The following FUT9 variants were observed in gnomAD, a reference collection of about 807,000 sequenced individuals.
FUT9 encodes fucosyltransferase 9, also known as 4-galactosyl-N-acetylglucosaminide 3-alpha-L-fucosyltransferase 9.
Under a neutral mutation model 29.7 loss-of-function variants are expected in FUT9, and 15 were observed. The observed-to-expected ratio is 0.51, with a 90% CI of 0.34 to 0.78. The LOEUF is 0.78. Ranked by LOEUF, FUT9 falls within the 30% of genes least tolerant of loss-of-function variation. The pLI, the probability that FUT9 is intolerant of heterozygous loss-of-function variation, is 0.01. For synonymous variants in FUT9, 169 were observed against 153.7 expected, an observed-to-expected ratio of 1.10 and a Z score of -0.74; for missense variants, 319 against 425.4, an observed-to-expected ratio of 0.75 and a Z score of 2.20.
chr6:96,104,698 T>C (rs541936552), intron 1 of FUT9, among the ~76,000 whole-genome samples: 4 of 151,500 alleles, frequency 2.6e-5, no homozygotes, highest in South Asian at 2.1e-4. Context: ...GCCCGGCACA[T>C]TTTTTGTGTT....
chr6:96,126,161 C>T (rs1385038173), intron 2 of FUT9, among the ~76,000 whole-genome samples: 1 of 152,146 alleles, frequency 6.6e-6, no homozygotes, highest in African/African-American at 2.4e-5. Flanking sequence ...CTGTAAAGGA[C>T]TACCTGAGAT....
At position 96,213,642 on chromosome 6, in the gene FUT9, C is replaced by A. The variant is rs118079189; in HGVS notation, c.*9407C>A. The A allele has an allele frequency of 6.0e-6, 1 of 166,478 alleles. No homozygotes were observed. Among genetic ancestry groups the A allele is most frequent in the Non-Finnish European group, 1.5e-5 (1 of 67,970 alleles). 10.3% of individuals were successfully genotyped at this position (166,478 alleles called of 1,614,324 possible). ...TTAACTTTCTGTGTATGTATTATTG[C>A]GATGCAGACCCAATAGGGTTATTTT... On this transcript the variant is annotated 3_prime_UTR_variant, in exon 3 of 3. Coordinates refer to ENST00000302103, the MANE Select transcript of FUT9 (RefSeq NM_006581.4).
chr6:96,053,563 G>A (rs7751231), intron 1 of FUT9, among the ~76,000 whole-genome samples: 87,255 of 151,160 alleles, frequency 0.58, 25,277 homozygotes, highest in South Asian at 0.63. Context: ...AAAAAAGTTA[G>A]CCGGGCATGG....
chr6:96,059,058 G>T (rs1770827911), intron 1 of FUT9, among the ~76,000 whole-genome samples: 1 of 152,032 alleles, frequency 6.6e-6, no homozygotes, highest in South Asian at 2.1e-4. Context: ...TTAATATCTT[G>T]CTATATGTGG....
chr6:96,031,881 G>A (rs6924617), intron 1 of FUT9, among the ~76,000 whole-genome samples: 78,310 of 151,208 alleles, frequency 0.52, 23,159 homozygotes, highest in African/African-American at 0.81. Flanking sequence ...TACTTCAATT[G>A]GTTTGAGAAA....
intron 2 of FUT9, among the ~76,000 whole-genome samples, chr6:96,133,468 T>C (rs1772286104): frequency 6.6e-6 from 1 of 151,950 alleles, no homozygotes; most frequent in Admixed American, 6.6e-5. Context: ...ATCTTATAAT[T>C]CAGCTAATAA....
At chr6:96,192,735 G>A (rs568039224) in intron 2 of FUT9, among the ~76,000 whole-genome samples, 31 of 151,970 alleles carry the variant, frequency 2.0e-4, no homozygotes, top group African/African-American at 5.3e-4. Context: ...AAAAGAGCCT[G>A]CATCACCAAG....
In FUT9 at chr6:96,088,575, C is replaced by T. The variant is rs117712888; in HGVS notation, c.-97-25464C>T. 3.9e-3 allele frequency among the ~76,000 whole-genome samples: 592 copies of T among 150,462 alleles called. 3 individuals are homozygous for T. The highest frequency in any genetic ancestry group is 6.7e-3 in the Non-Finnish European group (453 of 67,650). On this transcript the variant is annotated intron_variant, in intron 1 of 2. Transcript: ENST00000302103. ...GTGTGTGTGTGTGTGTGTGCGTGCG[C>T]GCGCGTGCTCCATATTGGATAGTTT...
intron 1 of FUT9, among the ~76,000 whole-genome samples, chr6:96,109,139 T>C (rs896318808): frequency 1.3e-5 from 2 of 152,206 alleles, no homozygotes; most frequent in Non-Finnish European, 2.9e-5. Flanking sequence ...ATAGTACTTG[T>C]CATTATTTTT....
chr6:96,129,468 T>A (rs943780722), intron 2 of FUT9, among the ~76,000 whole-genome samples: 10 of 151,354 alleles, frequency 6.6e-5, no homozygotes, highest in Non-Finnish European at 1.5e-4. Context: ...AAAATAAAAA[T>A]AAAAAATAAA....
rs184342346 is a variant in FUT9, at chr6:96,076,943, A to G, written c.-97-37096A>G. On this transcript the variant is annotated intron_variant, in intron 1 of 2. Coordinates refer to ENST00000302103, the MANE Select transcript of FUT9 (RefSeq NM_006581.4). ...TATTAGTTCACTGATGGCTCTCTTC[A>G]TTATTTTATGAATATGCAAAATTTT... 1.3e-4 allele frequency among the ~76,000 whole-genome samples: 20 copies of G among 152,330 alleles called. No homozygotes were observed. In the East Asian group the frequency reaches 1.7e-3, roughly 13 times the overall value.
chr6:96,122,278 G>A (rs567215936), intron 2 of FUT9, among the ~76,000 whole-genome samples: 10 of 152,296 alleles, frequency 6.6e-5, no homozygotes, highest in African/African-American at 2.2e-4. Flanking sequence ...AGGACCCTAA[G>A]TAATCAGGAG....
At chr6:96,137,668 C>A (rs1772383225) in intron 2 of FUT9, among the ~76,000 whole-genome samples, 1 of 151,438 alleles carries the variant, frequency 6.6e-6, no homozygotes, top group East Asian at 1.9e-4. Flanking sequence ...CTCTTTTTTT[C>A]TAGCAACACA....
At chr6:96,124,227 C>G (rs914282050) in intron 2 of FUT9, among the ~76,000 whole-genome samples, 8 of 148,598 alleles carry the variant, frequency 5.4e-5, no homozygotes, top group Non-Finnish European at 8.9e-5. Context: ...TCTCAGCTCA[C>G]TGCAAGCTCC....
chr6:96,168,073 T>G (rs1773046037), intron 2 of FUT9, among the ~76,000 whole-genome samples: 1 of 152,186 alleles, frequency 6.6e-6, no homozygotes, highest in Non-Finnish European at 1.5e-5. Context: ...AGGATGAAAT[T>G]GCCATCAGGT....
At chr6:96,086,367 T>C (rs1771316824) in intron 1 of FUT9, among the ~76,000 whole-genome samples, 1 of 152,232 alleles carries the variant, frequency 6.6e-6, no homozygotes, top group Non-Finnish European at 1.5e-5. Flanking sequence ...ATCAATTTGT[T>C]GTCAGCTTTA....
intron 2 of FUT9, among the ~76,000 whole-genome samples, chr6:96,156,665 T>C (rs1167211566): frequency 6.6e-6 from 1 of 152,178 alleles, no homozygotes; most frequent in Non-Finnish European, 1.5e-5. Flanking sequence ...CTGCACAAAA[T>C]ATCTGGTGTA....
At chr6:96,203,003 T>C in intron 2 of FUT9, 145 bp from the exon 3 acceptor site, 2 of 606,782 alleles carry the variant, frequency 3.3e-6, no homozygotes, top group Middle Eastern at 3.2e-4. Context: ...TTTCTCTCAA[T>C]GGTTTGATAA....
chr6:96,109,516 T>C (rs1771758183), intron 1 of FUT9, among the ~76,000 whole-genome samples: 1 of 152,194 alleles, frequency 6.6e-6, no homozygotes, highest in Non-Finnish European at 1.5e-5. Context: ...TACAAAAAAA[T>C]TACTCAACAA....
Sources: gnomAD v4.1 joint callset for allele counts (sites outside exome capture counted in the v4.1 genomes callset) on GRCh38, gnomAD v4.1.1 for gene constraint, MANE v1.5 for transcripts, NCBI Gene and HGNC (gene_info 2026-07-23, HGNC 2026-07-21) for gene names.